Variants in KCNIP4 observed in about 807,000 individuals in gnomAD.
KCNIP4 encodes the protein potassium voltage-gated channel interacting protein 4.
KCNIP4 carries 12 observed loss-of-function variants against 34.0 expected under a neutral mutation model. The ratio of observed to expected loss-of-function variants is 0.35; its 90% CI spans 0.23 to 0.57. The LOEUF is 0.57. Ranked by LOEUF, KCNIP4 falls within the 20% of genes least tolerant of loss-of-function variation. The pLI, the probability that KCNIP4 is intolerant of heterozygous loss-of-function variation, is 0.83. For missense variants in KCNIP4, 238 were observed against 311.7 expected, an observed-to-expected ratio of 0.76 and a Z score of 1.78; for synonymous variants, 124 against 102.2, an observed-to-expected ratio of 1.21 and a Z score of -1.29.
rs112479033 is a variant in KCNIP4 at position 21,767,043 on chromosome 4, C to T, written c.61+181528G>A. Among the ~76,000 whole-genome samples, 11 of 152,204 alleles carry T rather than the reference C, an allele frequency of 7.2e-5. 2 individuals carry two copies. The highest frequency in any genetic ancestry group is 2.6e-4 in the African/African-American group (11 of 41,548). The stretch of plus-strand genomic sequence containing the variant: ...TGGCAATGAAGAAAAACAAAGAGAA[C>T]ACAAGAAAGGGAGTCAGGGAATCTC... On this transcript the variant is annotated intron_variant, in intron 1 of 8. Transcript: ENST00000382152.
chr4:20,967,875 G>C (rs1368840800), intron 1 of KCNIP4, among the ~76,000 whole-genome samples: 1 of 152,170 alleles, frequency 6.6e-6, no homozygotes, highest in Non-Finnish European at 1.5e-5. Context: ...CATGGGCAAA[G>C]ACTTCATGAC....
At chr4:21,742,772 G>A (rs933672548) in intron 1 of KCNIP4, among the ~76,000 whole-genome samples, 1 of 152,058 alleles carries the variant, frequency 6.6e-6, no homozygotes, top group African/African-American at 2.4e-5. Context: ...TGGGAAAATA[G>A]AAAAAGACAT....
At chr4:21,823,340 A>G (rs972468939) in intron 1 of KCNIP4, among the ~76,000 whole-genome samples, 16 of 152,044 alleles carry the variant, frequency 1.1e-4, no homozygotes, top group African/African-American at 3.9e-4. Flanking sequence ...AAAATTTGTT[A>G]TATGGTTAAA....
At chr4:21,596,765 G>A (rs1049242397) in intron 1 of KCNIP4, among the ~76,000 whole-genome samples, 2 of 152,034 alleles carry the variant, frequency 1.3e-5, no homozygotes, top group African/African-American at 4.8e-5. Context: ...TTCCCCCTCA[G>A]TAAAACCTTA....
chr4:21,759,793 C>T (rs1205118258), intron 1 of KCNIP4, among the ~76,000 whole-genome samples: 1 of 152,048 alleles, frequency 6.6e-6, no homozygotes, highest in East Asian at 1.9e-4. Flanking sequence ...TATCTTGCCA[C>T]CTGTCCTTGT....
intron 1 of KCNIP4, among the ~76,000 whole-genome samples, chr4:21,655,861 G>A (rs1747882057): frequency 6.6e-6 from 1 of 152,172 alleles, no homozygotes; most frequent in Non-Finnish European, 1.5e-5. Flanking sequence ...TGATTATTAT[G>A]AATGGGATGG....
chr4:20,756,863 A>C (rs1435500631), intron 4 of KCNIP4, among the ~76,000 whole-genome samples: 2 of 151,098 alleles, frequency 1.3e-5, no homozygotes, highest in East Asian at 2.0e-4. Flanking sequence ...GGTTCTTGAC[A>C]TGTGTTCTGG....
At chr4:21,003,777 T>C (rs1370959962) in intron 1 of KCNIP4, among the ~76,000 whole-genome samples, 4 of 152,148 alleles carry the variant, frequency 2.6e-5, no homozygotes, top group Non-Finnish European at 5.9e-5. Context: ...TAAAGAAGTG[T>C]GGTAGTGCAG....
chr4:21,779,011 TGAGAGAGAGA>T (rs34076146), intron 1 of KCNIP4, among the ~76,000 whole-genome samples: 1 of 147,802 alleles, frequency 6.8e-6, no homozygotes, highest in East Asian at 2.0e-4. Flanking sequence ...TGTGTGGGCA[TGAGAGAGAGA>T]GAGAGAGAGA....
chr4:21,873,219 G>A (rs567116679), intron 1 of KCNIP4, among the ~76,000 whole-genome samples: 2 of 152,152 alleles, frequency 1.3e-5, no homozygotes, highest in Non-Finnish European at 2.9e-5. Flanking sequence ...CCAGGTATAA[G>A]GTGATATATA....
chr4:21,321,248 C>A (rs1714383053), intron 1 of KCNIP4, among the ~76,000 whole-genome samples: 2 of 152,196 alleles, frequency 1.3e-5, no homozygotes, highest in South Asian at 4.1e-4. Context: ...TTGAATCCTG[C>A]ATTTAGTTTG....
intron 1 of KCNIP4, among the ~76,000 whole-genome samples, chr4:21,856,221 G>A (rs1724744128): frequency 6.6e-6 from 1 of 152,118 alleles, no homozygotes; most frequent in Admixed American, 6.5e-5. Flanking sequence ...GAGACCGTGT[G>A]GACTCTACTC....
At chr4:21,384,811 A>G (rs2109489951) in intron 1 of KCNIP4, among the ~76,000 whole-genome samples, 1 of 152,334 alleles carries the variant, frequency 6.6e-6, no homozygotes, top group African/African-American at 2.4e-5. Context: ...TTTGGGAGGT[A>G]ATGAGATTTT....
intron 1 of KCNIP4, among the ~76,000 whole-genome samples, chr4:21,361,335 AC>A (rs1308905873): frequency 2.6e-5 from 4 of 152,074 alleles, no homozygotes; most frequent in Admixed American, 2.6e-4. Flanking sequence ...ATGCAATACT[AC>A]CTGCAATTAC....
At chr4:20,739,019 A>G (rs1298675654) in intron 5 of KCNIP4, among the ~76,000 whole-genome samples, 1 of 152,190 alleles carries the variant, frequency 6.6e-6, no homozygotes, top group Admixed American at 6.5e-5. Context: ...TCGAACTGCA[A>G]GGCAACAGTG....
chr4:21,859,268 C>T (rs1578079121), intron 1 of KCNIP4, among the ~76,000 whole-genome samples: 2 of 152,172 alleles, frequency 1.3e-5, no homozygotes, highest in South Asian at 4.1e-4. Context: ...GAGAGACAGA[C>T]ACTTGACTTC....
intron 3 of KCNIP4, among the ~76,000 whole-genome samples, chr4:20,838,127 A>T (rs891152668): frequency 1.3e-5 from 2 of 152,160 alleles, no homozygotes; most frequent in African/African-American, 4.8e-5. Context: ...TCTATGTGCA[A>T]CAAGTTCTAT....
At chr4:21,229,916 T>A (rs777455433) in intron 1 of KCNIP4, among the ~76,000 whole-genome samples, 2 of 152,134 alleles carry the variant, frequency 1.3e-5, no homozygotes, top group Non-Finnish European at 2.9e-5. Flanking sequence ...CCAACCAGAA[T>A]TTCAAATAAA....
chr4:20,828,545 T>A (rs1334648996), intron 3 of KCNIP4, among the ~76,000 whole-genome samples: 1 of 152,342 alleles, frequency 6.6e-6, no homozygotes, highest in East Asian at 1.9e-4. Context: ...GATACTCAGA[T>A]ACAATAGTGA....
Sources: gnomAD v4.1 joint callset for allele counts (sites outside exome capture counted in the v4.1 genomes callset) on GRCh38, gnomAD v4.1.1 for gene constraint, MANE v1.5 for transcripts, NCBI Gene and HGNC (gene_info 2026-07-23, HGNC 2026-07-21) for gene names.